CADPS2: variants seen among roughly 807,000 people sequenced by gnomAD.
The protein encoded by CADPS2 is calcium dependent secretion activator 2.
A neutral mutation model predicts 172.5 loss-of-function variants in CADPS2; 93 were observed. The ratio of observed to expected loss-of-function variants is 0.54; its 90% CI spans 0.46 to 0.64. CADPS2 has a LOEUF of 0.64. CADPS2 is among the 30% of genes least tolerant of loss of function. The probability of loss-of-function intolerance (pLI) is 0.00; values close to 1 mark genes in which losing one functional copy is unlikely to be tolerated. For missense variants in CADPS2, 1,420 were observed against 1,565.9 expected (o/e 0.91, Z 1.57); for synonymous variants, 546 against 555.2 (o/e 0.98, Z 0.23).
At chr7:122,662,053 CTA>C (rs773750242) in intron 3 of CADPS2, among the ~76,000 whole-genome samples, 1 of 152,116 alleles carries the variant, frequency 6.6e-6, no homozygotes, top group Non-Finnish European at 1.5e-5. Flanking sequence ...ACTATTAACT[CTA>C]TTAATTTGTT....
intron 12 of CADPS2, among the ~76,000 whole-genome samples, chr7:122,477,154 A>C (rs1447439605): frequency 6.6e-6 from 1 of 151,896 alleles, no homozygotes; most frequent in Non-Finnish European, 1.5e-5. Context: ...ATTCAGTTTC[A>C]GTTTGCTGGC....
chr7:122,401,399 C>T (rs1272062142), intron 20 of CADPS2, among the ~76,000 whole-genome samples: 4 of 152,128 alleles, frequency 2.6e-5, no homozygotes, highest in Non-Finnish European at 1.5e-5. Flanking sequence ...CTAGCATATC[C>T]ACAGATTAAA....
intron 20 of CADPS2, among the ~76,000 whole-genome samples, chr7:122,394,013 G>C (rs2044738979): frequency 6.6e-6 from 1 of 152,248 alleles, no homozygotes; most frequent in South Asian, 2.1e-4. Context: ...AATTCTAAGA[G>C]GTAAGCTTGA....
intron 1 of CADPS2, among the ~76,000 whole-genome samples, chr7:122,798,178 T>C (rs1283482610): frequency 6.6e-6 from 1 of 152,114 alleles, no homozygotes; most frequent in East Asian, 1.9e-4. Context: ...TTTCCTTCCC[T>C]AACTCCTTAT....
chr7:122,764,509 C>T (rs758756079), intron 1 of CADPS2, among the ~76,000 whole-genome samples: 73 of 151,840 alleles, frequency 4.8e-4, no homozygotes, highest in Non-Finnish European at 9.3e-4. Context: ...GTGGAGCTTA[C>T]GTTCTAGATA....
At chr7:122,542,066 G>A (rs1352597663) in intron 8 of CADPS2, among the ~76,000 whole-genome samples, 1 of 151,614 alleles carries the variant, frequency 6.6e-6, no homozygotes. Flanking sequence ...AGCTAACAAC[G>A]TGCCAGGCAA....
chr7:122,422,013 A>G (rs138750237), intron 17 of CADPS2: 35 of 152,340 alleles, frequency 2.3e-4, no homozygotes, highest in African/African-American at 7.7e-4. Flanking sequence ...TAATGACTAT[A>G]TATCAGATGG....
intron 19 of CADPS2, among the ~76,000 whole-genome samples, chr7:122,410,964 C>T (rs1337769848): frequency 6.6e-6 from 1 of 152,070 alleles, no homozygotes; most frequent in African/African-American, 2.4e-5. Flanking sequence ...ATAACTTGCC[C>T]AAAGTCATAC....
chr7:122,848,326 G>A (rs537395349), intron 1 of CADPS2, among the ~76,000 whole-genome samples: 1 of 152,240 alleles, frequency 6.6e-6, no homozygotes, highest in East Asian at 1.9e-4. Context: ...AGGAGAAACT[G>A]AATCTCTCCT....
chr7:122,679,277 G>GGA (rs869229827), intron 2 of CADPS2, among the ~76,000 whole-genome samples: 1 of 104,534 alleles, frequency 9.6e-6, no homozygotes, highest in South Asian at 4.4e-4. Context: ...GGGGGGGGGG[G>GGA]CTCTAAAATG....
intron 15 of CADPS2, among the ~76,000 whole-genome samples, chr7:122,447,017 A>AT (rs1452301863): frequency 6.8e-6 from 1 of 146,434 alleles, no homozygotes; most frequent in Non-Finnish European, 1.5e-5. Context: ...CATCTTGGAC[A>AT]TAAGTAGCTC....
At chr7:122,678,599 G>A (rs1408146738) in intron 2 of CADPS2, among the ~76,000 whole-genome samples, 2 of 152,292 alleles carry the variant, frequency 1.3e-5, no homozygotes, top group African/African-American at 4.8e-5. Context: ...CCTCTGAGTA[G>A]GGGCCATAGG....
intron 6 of CADPS2, among the ~76,000 whole-genome samples, chr7:122,597,268 T>C (rs746757889): frequency 1.3e-5 from 2 of 152,066 alleles, no homozygotes; most frequent in Non-Finnish European, 2.9e-5. Context: ...CACTAATAAG[T>C]CCTGCCTCAC....
At chr7:122,798,946 A>AAGAC (rs1335879654) in intron 1 of CADPS2, among the ~76,000 whole-genome samples, 2 of 151,968 alleles carry the variant, frequency 1.3e-5, no homozygotes, top group Non-Finnish European at 2.9e-5. Context: ...CACCTGATGA[A>AAGAC]AGACAGCCTT....
chr7:122,320,254 T>C lies in CADPS2; in HGVS notation c.3802A>G (p.Thr1268Ala), dbSNP rs1158100898. ...ACAGAGGCTGTGGCCTCCTCTACTG[T>C]TAAACGTCTGTGCACAGTATCATAA... ...KTYDTVHRRL[T>A]VEEATASVSE... Residue 1268 changes from threonine (T) to alanine (A), a missense_variant, in exon 30 of 30, where the codon ACA becomes GCA. Thr to Ala is a moderately conservative substitution (Grantham distance 58). Coordinates refer to ENST00000449022, the MANE Select transcript of CADPS2 (RefSeq NM_017954.11). The C allele has an allele frequency of 1.9e-6, 3 of 1,613,824 alleles. No individual in the cohort carries two copies. Among genetic ancestry groups the C allele is most frequent in the Non-Finnish European group, 2.5e-6 (3 of 1,179,788 alleles).
chr7:122,747,207 C>A (rs181141640), intron 1 of CADPS2, among the ~76,000 whole-genome samples: 19 of 152,168 alleles, frequency 1.2e-4, no homozygotes, highest in African/African-American at 4.3e-4. Flanking sequence ...GCCATTCCCC[C>A]CAACACCCAG....
intron 3 of CADPS2, among the ~76,000 whole-genome samples, chr7:122,657,721 G>T (rs1267307429): frequency 1.3e-5 from 2 of 152,086 alleles, no homozygotes; most frequent in Non-Finnish European, 2.9e-5. Context: ...TGAGATGATG[G>T]GGTTTTCTAA....
intron 20 of CADPS2, among the ~76,000 whole-genome samples, chr7:122,394,853 G>A (rs889179639): frequency 8.5e-5 from 13 of 152,240 alleles, no homozygotes; most frequent in African/African-American, 2.9e-4. Context: ...AATGGAGTAG[G>A]TAGCCAGGAG....
intron 8 of CADPS2, among the ~76,000 whole-genome samples, chr7:122,553,156 T>C (rs2064544164): frequency 6.6e-6 from 1 of 152,146 alleles, no homozygotes; most frequent in African/African-American, 2.4e-5. Context: ...TTCTCCCAGG[T>C]TCCCATTTCT....
Sources: gnomAD v4.1 joint callset for allele counts (sites outside exome capture counted in the v4.1 genomes callset) on GRCh38, gnomAD v4.1.1 for gene constraint, MANE v1.5 for transcripts, NCBI Gene and HGNC (gene_info 2026-07-23, HGNC 2026-07-21) for gene names.